MYO5C: variants seen among roughly 807,000 people sequenced by gnomAD.
MYO5C encodes unconventional myosin-Vc.
MYO5C carries 194 observed loss-of-function variants against 235.7 expected under a neutral mutation model. The ratio of observed to expected loss-of-function variants is 0.82; its 90% CI spans 0.73 to 0.93. The LOEUF (loss-of-function observed/expected upper bound fraction) is 0.93. MYO5C is among the 40% of genes least tolerant of loss of function. The pLI is 0.00. For missense variants in MYO5C, 2,038 were observed against 2,127.2 expected (o/e 0.96, Z 0.82); for synonymous variants, 707 against 754.8 (o/e 0.94, Z 1.04).
chr15:52,267,832 G>GT (rs1005734107), intron 8 of MYO5C, among the ~76,000 whole-genome samples: 10 of 152,220 alleles, frequency 6.6e-5, no homozygotes, highest in African/African-American at 2.4e-4. Flanking sequence ...GTGGGAGAGA[G>GT]TAGAAGGATC....
At chr15:52,227,320 G>T (rs544076186) in intron 25 of MYO5C, among the ~76,000 whole-genome samples, 1 of 146,984 alleles carries the variant, frequency 6.8e-6, no homozygotes, top group South Asian at 2.3e-4. Context: ...TCAGCCTCCC[G>T]AGTAGCTGGG....
intron 40 of MYO5C, among the ~76,000 whole-genome samples, chr15:52,194,656 TG>T (rs1386952663): frequency 1.3e-5 from 2 of 152,006 alleles, no homozygotes; most frequent in Admixed American, 1.3e-4. Flanking sequence ...TAGTGAGAAG[TG>T]GTATTTTCTA....
In MYO5C at chr15:52,260,884, TA is replaced by T; in HGVS notation, c.1290del (p.Phe430LeufsTer15). 2 of 1,614,164 alleles carry T rather than the reference TA, an allele frequency of 1.2e-6. No individual in the cohort carries two copies. The highest frequency in any genetic ancestry group is 1.7e-6 in the Non-Finnish European group (2 of 1,180,030). On this transcript the variant is annotated frameshift_variant, in exon 10 of 41. Coordinates refer to ENST00000261839, the MANE Select transcript of MYO5C (RefSeq NM_018728.4). LOFTEE classifies it high-confidence loss of function. ...TACCCATAAATGTCCAAAACACCAA[TA>T]AAAGTGTGCTGCTTGCCTGAAAACT... The part of the protein sequence containing the change: ...ALQFSGKQHT[F>X]IGVLDIYGFE...
intron 5 of MYO5C, among the ~76,000 whole-genome samples, chr15:52,273,081 G>A (rs1032503162): frequency 1.3e-5 from 2 of 152,208 alleles, no homozygotes; most frequent in African/African-American, 4.8e-5. Context: ...CACTTCAGGA[G>A]GCTGAGGCAA....
chr15:52,231,438 C>T (rs1419642611), intron 24 of MYO5C, among the ~76,000 whole-genome samples: 1 of 152,194 alleles, frequency 6.6e-6, no homozygotes, highest in Non-Finnish European at 1.5e-5. Context: ...AATGATCACT[C>T]CCAAGTGGTC....
chr15:52,241,642 G>C (rs1040728682), intron 20 of MYO5C, among the ~76,000 whole-genome samples: 3 of 152,024 alleles, frequency 2.0e-5, no homozygotes, highest in Non-Finnish European at 4.4e-5. Flanking sequence ...CTGTCTGTTA[G>C]GTGCACATTA....
intron 32 of MYO5C, among the ~76,000 whole-genome samples, chr15:52,217,390 A>G (rs2035579971): frequency 6.6e-6 from 1 of 152,218 alleles, no homozygotes; most frequent in Non-Finnish European, 1.5e-5. Context: ...ATGCACAGGG[A>G]CAGTCAGAGT....
intron 32 of MYO5C, among the ~76,000 whole-genome samples, chr15:52,217,040 T>C (rs2035571040): frequency 1.3e-5 from 2 of 152,196 alleles, no homozygotes; most frequent in Non-Finnish European, 2.9e-5. Flanking sequence ...ACCTCCATAA[T>C]TGAGAGAACA....
At chr15:52,235,798 G>T in intron 22 of MYO5C, 35 bp from the exon 23 acceptor site, 1 of 1,439,864 alleles carries the variant, frequency 6.9e-7, no homozygotes, top group Non-Finnish European at 9.7e-7. Context: ...AAACTTTTTT[G>T]AAAACCTCAC....
chr15:52,205,438 GC>G (rs1445729473), intron 37 of MYO5C: 1 of 420,262 alleles, frequency 2.4e-6, no homozygotes, highest in African/African-American at 2.0e-5. Flanking sequence ...CATGGCCTGG[GC>G]ATTAAAGCCT....
chr15:52,274,670 A>AGC (rs2037000165), intron 5 of MYO5C, among the ~76,000 whole-genome samples: 1 of 136,772 alleles, frequency 7.3e-6, no homozygotes, highest in East Asian at 2.9e-4. Flanking sequence ...GTTTCTTAGT[A>AGC]CCCCCCCCCC....
At chr15:52,286,972 AAAAC>A (rs1276801970) in intron 1 of MYO5C, among the ~76,000 whole-genome samples, 6 of 110,750 alleles carry the variant, frequency 5.4e-5, no homozygotes, top group Admixed American at 9.7e-5. Flanking sequence ...AAAAAAAAGA[AAAAC>A]TAACAAACAA....
chr15:52,269,376 C>G (rs1232987353), intron 8 of MYO5C, among the ~76,000 whole-genome samples: 1 of 149,448 alleles, frequency 6.7e-6, no homozygotes, highest in Non-Finnish European at 1.5e-5. Context: ...CTGGGAATCC[C>G]CACCTTTTAA....
intron 8 of MYO5C, among the ~76,000 whole-genome samples, chr15:52,268,931 TC>T (rs1157695484): frequency 6.6e-6 from 1 of 152,234 alleles, no homozygotes; most frequent in African/African-American, 2.4e-5. Flanking sequence ...TGCCTTAGTT[TC>T]CCTCTTGTAA....
chr15:52,275,814 A>AAACAGTTTCC, intron 4 of MYO5C, 96 bp from the exon 5 acceptor site: 1 of 1,210,442 alleles, frequency 8.3e-7, no homozygotes, highest in Non-Finnish European at 1.2e-6. Context: ...AAAGAGGGAA[A>AAACAGTTTCC]CTGTTTTGTC....
chr15:52,221,251 A>G lies in MYO5C; in HGVS notation c.3632T>C (p.Ile1211Thr), dbSNP rs558531456. The G allele has an allele frequency of 6.2e-7, 1 of 1,602,348 alleles. No homozygotes were observed. Among genetic ancestry groups the G allele is most frequent in the South Asian group, 1.1e-5 (1 of 89,324 alleles). ...TGAAATTTGCTGTTTAAAGTCTGGG[A>G]TCATCTTTAGAGAAGAATTAGAAAT... is the stretch of plus-strand genomic sequence containing the variant. ...VTRLTSENMMIPDFKQQISEL... is the reference protein window; with the variant it reads ...VTRLTSENMMTPDFKQQISEL... The change falls in exon 30 of 41, where the codon ATC (isoleucine) becomes ACC (threonine). Residue 1211 changes from isoleucine (I) to threonine (T), a missense_variant. Ile to Thr is a moderately conservative substitution (Grantham distance 89). Coordinates refer to ENST00000261839, the MANE Select transcript of MYO5C (RefSeq NM_018728.4).
In MYO5C at chr15:52,208,601, T is replaced by TG; in HGVS notation, c.4338dup (p.Asn1447GlnfsTer22). Reference sequence around the variant, plus strand: ...AGGCAATTGAGAAAATGACAAGTGTTGGAAAGCCAAAAGGACAGCATTTCA... The same window carrying TG: ...AGGCAATTGAGAAAATGACAAGTGTTGGGAAAGCCAAAAGGACAGCATTTCA... On this transcript the variant is annotated frameshift_variant, in exon 36 of 41. Transcript: ENST00000261839. LOFTEE classifies it high-confidence loss of function. 6.2e-7 allele frequency: 1 copy of TG among 1,614,172 alleles called. No homozygotes were observed. Among genetic ancestry groups the TG allele is most frequent in the Non-Finnish European group, 8.5e-7 (1 of 1,180,008 alleles).
chr15:52,200,444 T>C (rs2035161763), intron 38 of MYO5C, among the ~76,000 whole-genome samples: 2 of 152,154 alleles, frequency 1.3e-5, no homozygotes, highest in South Asian at 4.2e-4. Flanking sequence ...AGTGGGTGCT[T>C]GTAATCCCAG....
At chr15:52,256,587 A>ACACACACGCGCGCACGCGCGCGCGCG in intron 11 of MYO5C, 52 bp downstream of exon 11, 1 of 387,552 alleles carries the variant, frequency 2.6e-6, no homozygotes, top group South Asian at 3.2e-5. Context: ...ACACACACAC[A>ACACACACGCGCGCACGCGCGCGCGCG]CGCGCGCGCG....
Sources: allele counts gnomAD v4.1 joint callset (sites outside exome capture counted in the v4.1 genomes callset), GRCh38; gene constraint gnomAD v4.1.1; transcripts MANE v1.5; gene names NCBI Gene and HGNC (gene_info 2026-07-23, HGNC 2026-07-21).